SNCAIP: variants seen among roughly 807,000 people sequenced by gnomAD.
SNCAIP encodes the protein synphilin-1.
A neutral mutation model predicts 86.7 loss-of-function variants in SNCAIP; 43 were observed. That is an observed-to-expected ratio of 0.50 (90% CI 0.39 to 0.64). The LOEUF is 0.64. Among genes scored for constraint, SNCAIP ranks in the 30% least tolerant of loss-of-function variants. The pLI is 0.00. For missense variants in SNCAIP, 981 were observed against 1,103.1 expected (o/e 0.89, Z 1.57); for synonymous variants, 417 against 427.2 (o/e 0.98, Z 0.29).
intron 3 of SNCAIP, among the ~76,000 whole-genome samples, chr5:122,415,544 T>C (rs1319314083): frequency 1.3e-5 from 2 of 152,318 alleles, no homozygotes; most frequent in Non-Finnish European, 2.9e-5. Context: ...AGAAGTAAAA[T>C]CAGCAGGCAT....
chr5:122,381,796 T>C (rs1213110540), intron 1 of SNCAIP, among the ~76,000 whole-genome samples: 1 of 152,122 alleles, frequency 6.6e-6, no homozygotes, highest in Non-Finnish European at 1.5e-5. Flanking sequence ...CTCCTTCACT[T>C]ATGAAGCTTA....
At chr5:122,417,684 TTTC>T (rs975272550) in intron 3 of SNCAIP, among the ~76,000 whole-genome samples, 1 of 151,952 alleles carries the variant, frequency 6.6e-6, no homozygotes, top group African/African-American at 2.4e-5. Flanking sequence ...CCTTCCCTCC[TTTC>T]TTCCTTCCAT....
intron 1 of SNCAIP, among the ~76,000 whole-genome samples, chr5:122,348,068 A>G (rs1289566907): frequency 6.6e-6 from 1 of 152,128 alleles, no homozygotes; most frequent in Non-Finnish European, 1.5e-5. Context: ...ACAAATACTG[A>G]ATATATTTCA....
In SNCAIP at chr5:122,378,861, G is replaced by A. The variant is rs1237234190; in HGVS notation, c.-46-12228G>A. Among the ~76,000 whole-genome samples the A allele has an allele frequency of 4.1e-4, 59 of 145,640 alleles. 3 individuals carry two copies. The highest frequency in any genetic ancestry group is 3.1e-3 in the Admixed American group (46 of 14,936). On this transcript the variant is annotated intron_variant, in intron 1 of 10. Transcript: ENST00000261368. Reference sequence around the variant, plus strand: ...GATCAGATAGTTGTAGATAAGTGGCGTTATTTCTGAGGGCTCTGTTCTGTT... The same window carrying A: ...GATCAGATAGTTGTAGATAAGTGGCATTATTTCTGAGGGCTCTGTTCTGTT...
intron 1 of SNCAIP, among the ~76,000 whole-genome samples, chr5:122,349,803 T>A (rs1210082314): frequency 6.6e-6 from 1 of 152,198 alleles, no homozygotes; most frequent in Admixed American, 6.5e-5. Flanking sequence ...TTATTTCCTA[T>A]GCTGTGGTGC....
At chr5:122,395,817 G>C (rs1469720496) in intron 2 of SNCAIP, among the ~76,000 whole-genome samples, 1 of 152,128 alleles carries the variant, frequency 6.6e-6, no homozygotes, top group Non-Finnish European at 1.5e-5. Context: ...GTGAAAAAGA[G>C]TATAAAGGTA....
chr5:122,340,875 C>T (rs1357172668), intron 1 of SNCAIP, among the ~76,000 whole-genome samples: 1 of 152,128 alleles, frequency 6.6e-6, no homozygotes, highest in Non-Finnish European at 1.5e-5. Context: ...TCAGTAATAC[C>T]TGTTTATTAA....
At chr5:122,422,173 G>T (rs1319046164) in intron 3 of SNCAIP, among the ~76,000 whole-genome samples, 2 of 152,124 alleles carry the variant, frequency 1.3e-5, no homozygotes, top group African/African-American at 4.8e-5. Context: ...TCATATGTCA[G>T]AAAGCACCAT....
At chr5:122,444,406 C>G (rs1034920641) in intron 7 of SNCAIP, 157 bp from the exon 8 acceptor site, 1 of 730,022 alleles carries the variant, frequency 1.4e-6, no homozygotes, top group Non-Finnish European at 2.5e-6. Context: ...AGGACTGGCT[C>G]TGCTACATCA....
chr5:122,419,148 G>C (rs958546263), intron 3 of SNCAIP, among the ~76,000 whole-genome samples: 1 of 152,130 alleles, frequency 6.6e-6, no homozygotes, highest in Admixed American at 6.5e-5. Context: ...TGTAGGCCAC[G>C]ATCACAAGGG....
intron 7 of SNCAIP, 73 bp downstream of exon 7, chr5:122,440,827 C>T: frequency 1.5e-6 from 2 of 1,349,234 alleles, no homozygotes; most frequent in South Asian, 2.4e-5. Flanking sequence ...AAATTATGTT[C>T]ACTAGGAGAA....
chr5:122,313,241 C>G (rs1392259572), intron 1 of SNCAIP, among the ~76,000 whole-genome samples: 18 of 152,218 alleles, frequency 1.2e-4, no homozygotes. Context: ...TTTTCACTTG[C>G]TGGAGGCAGG....
At chr5:122,396,727 G>T (rs1466616297) in intron 2 of SNCAIP, among the ~76,000 whole-genome samples, 1 of 152,044 alleles carries the variant, frequency 6.6e-6, no homozygotes, top group Non-Finnish European at 1.5e-5. Context: ...CTTCATGGTA[G>T]GTCACATTTG....
At chr5:122,447,852 A>G (rs1455303482) in intron 8 of SNCAIP, among the ~76,000 whole-genome samples, 1 of 152,208 alleles carries the variant, frequency 6.6e-6, no homozygotes, top group Non-Finnish European at 1.5e-5. Context: ...ATACAATTGT[A>G]TGGTTCACAG....
chr5:122,425,319 G>T, intron 4 of SNCAIP, 33 bp from the exon 5 acceptor site: 1 of 1,563,826 alleles, frequency 6.4e-7, no homozygotes, highest in South Asian at 1.1e-5. Flanking sequence ...CTGATTTATT[G>T]ACTTGGGTTT....
chr5:122,418,725 A>C (rs1367895517), intron 3 of SNCAIP, among the ~76,000 whole-genome samples: 1 of 152,192 alleles, frequency 6.6e-6, no homozygotes, highest in African/African-American at 2.4e-5. Flanking sequence ...TCACTCTGTA[A>C]ATCAGGGGTA....
At chr5:122,359,349 T>TTTTTTTAATTTATTTA (rs372903978) in intron 1 of SNCAIP, among the ~76,000 whole-genome samples, 2 of 142,182 alleles carry the variant, frequency 1.4e-5, no homozygotes, top group Non-Finnish European at 3.0e-5. Context: ...AGATTTTTAT[T>TTTTTTTAATTTATTTA]TTTATTTATT....
chr5:122,425,413 A>C lies in SNCAIP; in HGVS notation c.1064A>C (p.His355Pro), dbSNP rs1164089978. The stretch of plus-strand genomic sequence containing the variant: ...GACGAAAATGGAAACAATCTATTAC[A>C]TATTGCGGCGTCACAGGGACACGCA... ...IHDENGNNLLHIAASQGHAEC... is the reference protein window; with the variant it reads ...IHDENGNNLLPIAASQGHAEC... The change falls in exon 5 of 11, where the codon CAT (histidine) becomes CCT (proline). Residue 355 changes from histidine to proline, a missense_variant. Coordinates refer to ENST00000261368, the MANE Select transcript of SNCAIP (RefSeq NM_005460.4). The C allele has an allele frequency of 6.2e-7, 1 of 1,614,018 alleles. No homozygotes were observed. Among genetic ancestry groups the C allele is most frequent in the Non-Finnish European group, 8.5e-7 (1 of 1,179,870 alleles).
intron 10 of SNCAIP, 48 bp downstream of exon 10, chr5:122,451,649 T>A (rs1783709642): frequency 7.6e-7 from 1 of 1,321,498 alleles, no homozygotes; most frequent in Admixed American, 1.7e-5. Flanking sequence ...AAATGGATTA[T>A]GTTGTTCCTA....
Sources: allele counts gnomAD v4.1 joint callset (sites outside exome capture counted in the v4.1 genomes callset), GRCh38; gene constraint gnomAD v4.1.1; transcripts MANE v1.5; gene names NCBI Gene and HGNC (gene_info 2026-07-23, HGNC 2026-07-21).